The following LRRC4C variants were observed in gnomAD, a reference collection of about 807,000 sequenced individuals.
LRRC4C encodes the protein leucine rich repeat containing 4C.
In LRRC4C, 5 loss-of-function variants were observed where a neutral mutation model predicts 33.6. That is an observed-to-expected ratio of 0.15 (90% CI 0.08 to 0.31). The LOEUF (loss-of-function observed/expected upper bound fraction) is 0.31, where lower values mean the gene tolerates loss of function less well. Ranked by LOEUF, LRRC4C falls within the 10% of genes least tolerant of loss-of-function variation. The pLI, the probability that LRRC4C is intolerant of heterozygous loss-of-function variation, is 1.00. For synonymous variants in LRRC4C, 329 were observed against 302.0 expected (o/e 1.09, Z -0.93); for missense variants, 560 against 796.7 (o/e 0.70, Z 3.58).
chr11:41,458,125 C>T (rs191785949), intron 1 of LRRC4C, among the ~76,000 whole-genome samples: 22 of 152,200 alleles, frequency 1.4e-4, no homozygotes, highest in Admixed American at 1.1e-3. Context: ...TTACAATTTG[C>T]ATCTTCTTTC....
At chr11:40,837,949 T>A (rs1263064158) in intron 2 of LRRC4C, among the ~76,000 whole-genome samples, 2 of 151,978 alleles carry the variant, frequency 1.3e-5, no homozygotes, top group Non-Finnish European at 2.9e-5. Context: ...GTTTTGGAAA[T>A]AATATATTTT....
chr11:40,941,334 T>G (rs1475809818), intron 1 of LRRC4C, among the ~76,000 whole-genome samples: 1 of 152,112 alleles, frequency 6.6e-6, no homozygotes, highest in Non-Finnish European at 1.5e-5. Context: ...ATTTTATAGC[T>G]GTCTAAGAAT....
chr11:40,392,917 C>G (rs1050711266), intron 3 of LRRC4C, among the ~76,000 whole-genome samples: 2 of 151,946 alleles, frequency 1.3e-5, no homozygotes, highest in African/African-American at 2.4e-5. Context: ...GATAAAGAAC[C>G]AGGGCTCAGT....
intron 2 of LRRC4C, among the ~76,000 whole-genome samples, chr11:40,799,537 C>T (rs1950959179): frequency 6.6e-6 from 1 of 152,154 alleles, no homozygotes; most frequent in South Asian, 2.1e-4. Flanking sequence ...CTCTGTCACC[C>T]AGGCTGGAGT....
At chr11:41,101,804 A>C (rs1462044781) in intron 1 of LRRC4C, among the ~76,000 whole-genome samples, 3 of 151,966 alleles carry the variant, frequency 2.0e-5, no homozygotes, top group Non-Finnish European at 4.4e-5. Flanking sequence ...CATCACAGCC[A>C]TAAAAAAAGA....
intron 3 of LRRC4C, among the ~76,000 whole-genome samples, chr11:40,394,057 C>A (rs1331967366): frequency 6.6e-6 from 1 of 151,246 alleles, no homozygotes; most frequent in Admixed American, 6.6e-5. Flanking sequence ...AATGAAGGGA[C>A]AGAAAGGATA....
intron 6 of LRRC4C, among the ~76,000 whole-genome samples, chr11:40,132,633 C>T (rs934799100): frequency 6.6e-6 from 1 of 151,810 alleles, no homozygotes; most frequent in African/African-American, 2.4e-5. Flanking sequence ...ATGCCTGATG[C>T]GAAAGGAGAA....
At chr11:40,755,226 A>T (rs1444991769) in intron 2 of LRRC4C, among the ~76,000 whole-genome samples, 3 of 152,126 alleles carry the variant, frequency 2.0e-5, no homozygotes, top group Non-Finnish European at 2.9e-5. Context: ...TACTTCTGCC[A>T]CTACTATTTT....
chr11:40,952,888 ACACACACACTCTCT>A lies in LRRC4C; in HGVS notation c.-495-19179_-495-19166del, dbSNP rs771709306. On this transcript the variant is annotated intron_variant, in intron 1 of 6. Transcript: ENST00000528697. The stretch of plus-strand genomic sequence containing the variant: ...CACACACACACACACACACACACAC[ACACACACACTCTCT>A]CTCTCTCTCTCTCTCTCTCTCTTTC... Among the ~76,000 whole-genome samples the A allele has an allele frequency of 9.3e-3, 510 of 55,128 alleles. 1 individual carries two copies. The highest frequency in any genetic ancestry group is 0.017 in the Middle Eastern group (2 of 120). The allele number at this position is 55,128 out of a possible 152,430, so 36.2% of individuals were successfully genotyped here. A position where few individuals can be genotyped will look rare whatever the true frequency, so the allele number is the denominator to read the frequency against.
intron 2 of LRRC4C, among the ~76,000 whole-genome samples, chr11:40,763,511 A>C (rs1949322319): frequency 6.6e-6 from 1 of 152,194 alleles, no homozygotes; most frequent in Non-Finnish European, 1.5e-5. Context: ...CATGTGAGTG[A>C]TCACATTACC....
At chr11:40,202,241 G>A (rs1862813853) in intron 5 of LRRC4C, among the ~76,000 whole-genome samples, 1 of 149,140 alleles carries the variant, frequency 6.7e-6, no homozygotes, top group African/African-American at 2.5e-5. Flanking sequence ...AAAAAAAAGA[G>A]GGATTCCACA....
intron 2 of LRRC4C, among the ~76,000 whole-genome samples, chr11:40,927,638 T>A (rs1307370529): frequency 6.6e-6 from 1 of 152,216 alleles, no homozygotes; most frequent in African/African-American, 2.4e-5. Flanking sequence ...CTTTGCTCTT[T>A]GGAGTTACTC....
chr11:41,181,113 G>C (rs1432226742), intron 1 of LRRC4C, among the ~76,000 whole-genome samples: 1 of 152,124 alleles, frequency 6.6e-6, no homozygotes, highest in Non-Finnish European at 1.5e-5. Flanking sequence ...GAGTGAAATA[G>C]CATTCCCTTT....
intron 1 of LRRC4C, among the ~76,000 whole-genome samples, chr11:41,125,992 A>G (rs1942717962): frequency 6.6e-6 from 1 of 152,124 alleles, no homozygotes; most frequent in African/African-American, 2.4e-5. Flanking sequence ...GACTTTAAAG[A>G]AAATGCATTC....
At chr11:40,923,083 C>T (rs2136380265) in intron 2 of LRRC4C, among the ~76,000 whole-genome samples, 1 of 152,266 alleles carries the variant, frequency 6.6e-6, no homozygotes, top group East Asian at 1.9e-4. Flanking sequence ...CCTCAGCCTC[C>T]CAAAGTGCTG....
chr11:40,957,767 C>A (rs1959025900), intron 1 of LRRC4C, among the ~76,000 whole-genome samples: 1 of 151,604 alleles, frequency 6.6e-6, no homozygotes, highest in East Asian at 1.9e-4. Flanking sequence ...TTATGCAAAT[C>A]TACTGGGGGA....
At chr11:40,963,904 T>C (rs1018270309) in intron 1 of LRRC4C, among the ~76,000 whole-genome samples, 1 of 151,782 alleles carries the variant, frequency 6.6e-6, no homozygotes, top group Non-Finnish European at 1.5e-5. Flanking sequence ...TACTGCAAAA[T>C]GCAGAAATGC....
intron 5 of LRRC4C, among the ~76,000 whole-genome samples, chr11:40,170,237 A>G (rs1859932390): frequency 6.6e-6 from 1 of 152,204 alleles, no homozygotes; most frequent in Admixed American, 6.5e-5. Flanking sequence ...ATTTTACCTA[A>G]TGACTCATCA....
intron 1 of LRRC4C, among the ~76,000 whole-genome samples, chr11:40,956,806 C>T (rs1420457930): frequency 6.6e-6 from 1 of 151,642 alleles, no homozygotes; most frequent in Non-Finnish European, 1.5e-5. Context: ...TTCCAACCTT[C>T]ACTTCAAAGA....
Sources: allele counts gnomAD v4.1 joint callset (sites outside exome capture counted in the v4.1 genomes callset), GRCh38; gene constraint gnomAD v4.1.1; transcripts MANE v1.5; gene names NCBI Gene and HGNC (gene_info 2026-07-23, HGNC 2026-07-21).